Variants in FBXL5 observed in about 807,000 individuals in gnomAD.
FBXL5 encodes the protein F-box and leucine rich repeat protein 5.
In FBXL5, 26 loss-of-function variants were observed where a neutral mutation model predicts 78.3. The ratio of observed to expected loss-of-function variants is 0.33; its 90% CI spans 0.24 to 0.46. FBXL5 has a LOEUF of 0.46. Among genes scored for constraint, FBXL5 ranks in the 20% least tolerant of loss-of-function variants. The pLI, the probability that FBXL5 is intolerant of heterozygous loss-of-function variation, is 1.00. For synonymous variants in FBXL5, 295 were observed against 282.5 expected (o/e 1.04, Z -0.45); for missense variants, 710 against 829.2 (o/e 0.86, Z 1.77).
chr4:15,626,389 C>A (rs1366641642), intron 8 of FBXL5, among the ~76,000 whole-genome samples: 2 of 152,130 alleles, frequency 1.3e-5, no homozygotes, highest in Non-Finnish European at 2.9e-5. Flanking sequence ...TCTTCCTCTG[C>A]AGCAGGAAAA....
chr4:15,631,136 C>A (rs529256026), intron 5 of FBXL5, among the ~76,000 whole-genome samples: 23 of 152,110 alleles, frequency 1.5e-4, no homozygotes, highest in African/African-American at 5.5e-4. Flanking sequence ...TCTCTTTGTT[C>A]AATTCCCAAC....
chr4:15,655,552 C>G (rs1716827853), upstream of FBXL5: 1 of 196,176 alleles, frequency 5.1e-6, no homozygotes, highest in South Asian at 1.7e-4. Flanking sequence ...CTTCATAAGC[C>G]GCAGAAGGAA....
intron 8 of FBXL5, 29 bp downstream of exon 8, chr4:15,626,844 T>A (rs1294006946): frequency 6.8e-7 from 1 of 1,468,954 alleles, no homozygotes; most frequent in Non-Finnish European, 9.2e-7. Flanking sequence ...TAGTTTTTCA[T>A]TATATTTAAA....
At chr4:15,628,746 C>G (rs1417576197) in intron 6 of FBXL5, among the ~76,000 whole-genome samples, 1 of 149,956 alleles carries the variant, frequency 6.7e-6, no homozygotes, top group Non-Finnish European at 1.5e-5. Flanking sequence ...AGATATTATC[C>G]TAAATTCCTC....
intron 9 of FBXL5, among the ~76,000 whole-genome samples, chr4:15,615,370 T>C (rs1237598732): frequency 2.0e-5 from 3 of 152,012 alleles, no homozygotes; most frequent in African/African-American, 7.2e-5. Flanking sequence ...TGAAGCCAGC[T>C]GGGCTCCTGA....
chr4:15,672,250 G>C (rs946533710), intron 1 of FBXL5, among the ~76,000 whole-genome samples: 1 of 152,214 alleles, frequency 6.6e-6, no homozygotes, highest in Non-Finnish European at 1.5e-5. Flanking sequence ...AATGCTCCGT[G>C]AATGAGGCTT....
intron 10 of FBXL5, among the ~76,000 whole-genome samples, chr4:15,611,550 C>A (rs886396572): frequency 6.6e-6 from 1 of 152,070 alleles, no homozygotes; most frequent in African/African-American, 2.4e-5. Context: ...TCAGTCTCTA[C>A]CAGTGACTAT....
chr4:15,665,449 G>T (rs2148787850), intron 1 of FBXL5, among the ~76,000 whole-genome samples: 1 of 152,204 alleles, frequency 6.6e-6, no homozygotes, highest in East Asian at 1.9e-4. Flanking sequence ...CTACCTTGCA[G>T]GAATTACCCC....
intron 10 of FBXL5, among the ~76,000 whole-genome samples, chr4:15,611,756 C>T (rs911434846): frequency 6.6e-6 from 1 of 152,080 alleles, no homozygotes; most frequent in Non-Finnish European, 1.5e-5. Flanking sequence ...CTCAATACTA[C>T]ATACTGTCCT....
At chr4:15,656,231 A>C, upstream of FBXL5, 1 of 456,298 alleles carries the variant, frequency 2.2e-6, no homozygotes, top group South Asian at 1.5e-5. Flanking sequence ...TCACTAACCC[A>C]GGAAAATGTC....
Position 15,628,029 on chromosome 4 carries a change from C to G in FBXL5, c.897G>C (p.Glu299Asp), listed in dbSNP as rs746885076. 1 of 1,613,138 alleles carries G rather than the reference C, an allele frequency of 6.2e-7. No homozygotes were observed. Among genetic ancestry groups the G allele is most frequent in the Admixed American group, 1.7e-5 (1 of 59,892 alleles). ...TGATAGCAATTGATTCCTCCGCAGA[C>G]TCTTCTGTAAAATGAATTCAAAAGT... The part of the protein sequence containing the change: ...DEDADIDESE[E>D]SAEESIAISI... Residue 299 changes from glutamate (E) to aspartate (D), a missense_variant, in exon 7 of 11, where the codon GAG (glutamate) becomes GAC (aspartate). Physicochemically the swap from Glu to Asp is conservative, Grantham distance 45 (BLOSUM62 2). Coordinates refer to ENST00000341285, the MANE Select transcript of FBXL5 (RefSeq NM_012161.4).
chr4:15,650,661 CTTTTTTTTTTTTTTT>C (rs34334098), intron 1 of FBXL5, among the ~76,000 whole-genome samples: 2 of 77,884 alleles, frequency 2.6e-5, no homozygotes, highest in African/African-American at 5.1e-5. Context: ...AACTGACTTT[CTTTTTTTTTTTTTTT>C]TTTTTTTTTG....
rs571950137 is a variant in FBXL5, at chr4:15,625,650, A to G, written c.1452T>C (p.Ala484=). 6.2e-7 allele frequency: 1 copy of G among 1,614,250 alleles called. No individual in the cohort carries two copies. Among genetic ancestry groups the G allele is most frequent in the African/African-American group, 1.3e-5 (1 of 75,080 alleles). The change falls in exon 9 of 11, where the codon GCT becomes GCC. Residue 484 remains alanine (A), a synonymous_variant. Coordinates refer to ENST00000341285, the MANE Select transcript of FBXL5 (RefSeq NM_012161.4). ...TATCTTCAATATCAGCCAAATCTTC[A>G]GCATCTAACATCCACACATAAGGAG... ...FTSPYVWMLD[A]EDLADIEDTV... is the part of the protein sequence containing the mutation.
intron 9 of FBXL5, among the ~76,000 whole-genome samples, chr4:15,613,441 G>A (rs1412712187): frequency 6.6e-6 from 1 of 152,010 alleles, no homozygotes; most frequent in Admixed American, 6.5e-5. Context: ...AAATTAAAAG[G>A]TGGCTCCTTG....
upstream of FBXL5, among the ~76,000 whole-genome samples, chr4:15,655,567 A>T (rs1369991395): frequency 6.6e-6 from 1 of 152,074 alleles, no homozygotes; most frequent in Non-Finnish European, 1.5e-5. Context: ...AAGGAACCCA[A>T]ACCTTTTCCC....
chr4:15,621,979 C>T (rs1712529623), intron 9 of FBXL5, among the ~76,000 whole-genome samples: 1 of 152,176 alleles, frequency 6.6e-6, no homozygotes, highest in African/African-American at 2.4e-5. Flanking sequence ...CAGGTGCATG[C>T]CACCATGCCT....
At chr4:15,608,785 G>A (rs1722051071) in intron 10 of FBXL5, among the ~76,000 whole-genome samples, 1 of 151,948 alleles carries the variant, frequency 6.6e-6, no homozygotes, top group African/African-American at 2.4e-5. Flanking sequence ...CCTATGATAA[G>A]GTAAATAATA....
chr4:15,627,918 T>C lies in FBXL5; in HGVS notation c.1008A>G (p.Val336=), dbSNP rs1329489371. ...TGGAAACTGCAGAGCTGTATGCTAA[T>C]ACTAAGGTTTTTACAGAAGTACCAA... The part of the protein sequence containing the change: ...PYVGTSVKTL[V]LAYSSAVSSK... The change falls in exon 7 of 11, where the codon GTA becomes GTG. Residue 336 remains valine, a synonymous_variant. Transcript: ENST00000341285. 3 of 1,613,664 alleles carry C rather than the reference T, an allele frequency of 1.9e-6. No individual in the cohort carries two copies. Among genetic ancestry groups the C allele is most frequent in the East Asian group, 2.2e-5 (1 of 44,828 alleles).
In FBXL5 at chr4:15,644,683, T is replaced by C. The variant is rs1715195621; in HGVS notation, c.110A>G (p.Asn37Ser). ...DKLSKTNFSNNNDFRALLQSL... is the reference protein window; with the variant it reads ...DKLSKTNFSNSNDFRALLQSL... ...CTGCAGAAGAGCACGGAAATCGTTG[T>C]TGTTGGAAAAATTGGTTTTAGAAAG... Residue 37 changes from asparagine (N) to serine (S), a missense_variant, in exon 2 of 11, where the codon AAC (asparagine) becomes AGC (serine). Coordinates refer to ENST00000341285, the MANE Select transcript of FBXL5 (RefSeq NM_012161.4). 5 of 1,609,218 alleles carry C rather than the reference T, an allele frequency of 3.1e-6. No homozygotes were observed. Among genetic ancestry groups the C allele is most frequent in the Non-Finnish European group, 4.2e-6 (5 of 1,177,526 alleles).
Sources: allele counts gnomAD v4.1 joint callset (sites outside exome capture counted in the v4.1 genomes callset), GRCh38; gene constraint gnomAD v4.1.1; transcripts MANE v1.5; gene names NCBI Gene and HGNC (gene_info 2026-07-23, HGNC 2026-07-21).